Variants in RASAL2 observed in about 807,000 individuals in gnomAD.
The protein encoded by RASAL2 is ras GTPase-activating protein nGAP.
RASAL2 carries 58 observed loss-of-function variants against 128.9 expected under a neutral mutation model. The ratio of observed to expected loss-of-function variants is 0.45; its 90% CI spans 0.36 to 0.56. The LOEUF (loss-of-function observed/expected upper bound fraction) is 0.56. RASAL2 is among the 20% of genes least tolerant of loss of function. The pLI is 0.00. For synonymous variants in RASAL2, 561 were observed against 580.8 expected, an observed-to-expected ratio of 0.97 and a Z score of 0.49; for missense variants, 1,360 against 1,601.6, an observed-to-expected ratio of 0.85 and a Z score of 2.57.
At chr1:178,293,462 A>G (rs1333522923) in intron 2 of RASAL2, among the ~76,000 whole-genome samples, 2 of 152,214 alleles carry the variant, frequency 1.3e-5, no homozygotes, top group Non-Finnish European at 2.9e-5. Context: ...GCCAGTCCTT[A>G]GATCTAAAAG....
At chr1:178,171,903 G>A (rs1661718803) in intron 1 of RASAL2, among the ~76,000 whole-genome samples, 1 of 151,956 alleles carries the variant, frequency 6.6e-6, no homozygotes, top group Non-Finnish European at 1.5e-5. Flanking sequence ...GAATTAATAA[G>A]TTTATGGGTA....
Position 178,177,077 on chromosome 1 carries a change from A to G in RASAL2, c.202+82383A>G, listed in dbSNP as rs574678040. 3.9e-5 allele frequency among the ~76,000 whole-genome samples: 6 copies of G among 152,320 alleles called. No individual in the cohort carries two copies. In the East Asian group the frequency reaches 9.6e-4, roughly 24 times the overall value. ...AATATTTTCTTTAGTTGTTTAAAGGAACAGTGGGTAACATGAATAGTTGTG... is the reference window on the plus strand; with the variant it reads ...AATATTTTCTTTAGTTGTTTAAAGGGACAGTGGGTAACATGAATAGTTGTG... On this transcript the variant is annotated intron_variant, in intron 1 of 17. Transcript: ENST00000367649.
intron 1 of RASAL2, among the ~76,000 whole-genome samples, chr1:178,195,095 T>G (rs1662616848): frequency 6.6e-6 from 1 of 152,170 alleles, no homozygotes; most frequent in African/African-American, 2.4e-5. Flanking sequence ...ACATACACAG[T>G]GCATTTCCAC....
At chr1:178,438,881 CTGTGTGTGTGTGTGTGTG>C (rs3042589) in intron 5 of RASAL2, among the ~76,000 whole-genome samples, 230 of 129,462 alleles carry the variant, frequency 1.8e-3, no homozygotes, top group African/African-American at 5.6e-3. Flanking sequence ...AGCTTCGACT[CTGTGTGTGTGTGTGTGTG>C]TGTGTGTGTG....
At chr1:178,376,712 T>C (rs1269339871) in intron 3 of RASAL2, among the ~76,000 whole-genome samples, 1 of 152,144 alleles carries the variant, frequency 6.6e-6, no homozygotes, top group African/African-American at 2.4e-5. Flanking sequence ...TGTGTGCCCA[T>C]CAAATACTTC....
rs71108028 is a variant in RASAL2 at position 178,131,375 on chromosome 1, C to CTTT, written c.202+36705_202+36707dup. Among the ~76,000 whole-genome samples the CTTT allele has an allele frequency of 4.6e-3, 377 of 82,588 alleles. 36 individuals carry two copies. Among genetic ancestry groups the CTTT allele is most frequent in the African/African-American group, 0.015 (285 of 18,446 alleles). 54.2% of individuals were successfully genotyped at this position (82,588 alleles called of 152,430 possible). On this transcript the variant is annotated intron_variant, in intron 1 of 17. Transcript: ENST00000367649. ...TCGTGCACTACCACGCCTGGATAAT[C>CTTT]TTTTTTTTTTTTTTTTTTTTTTTTT...
At chr1:178,420,664 T>A (rs778762381) in intron 5 of RASAL2, 44 bp downstream of exon 5, 3 of 1,414,466 alleles carry the variant, frequency 2.1e-6, no homozygotes, top group Non-Finnish European at 1.9e-6. Context: ...AGTTTGAGAG[T>A]GAATTTTGTT....
intron 9 of RASAL2, among the ~76,000 whole-genome samples, chr1:178,450,485 A>G (rs1162285623): frequency 6.6e-6 from 1 of 152,148 alleles, no homozygotes; most frequent in Non-Finnish European, 1.5e-5. Flanking sequence ...CCTCAAAATT[A>G]TCGCTTCTCA....
chr1:178,237,239 T>TC (rs1050427720), intron 1 of RASAL2, among the ~76,000 whole-genome samples: 1 of 152,116 alleles, frequency 6.6e-6, no homozygotes, highest in African/African-American at 2.4e-5. Context: ...TCTGTGCTCC[T>TC]CCATTTGGGG....
At chr1:178,130,143 G>C (rs1271761817) in intron 1 of RASAL2, among the ~76,000 whole-genome samples, 1 of 152,084 alleles carries the variant, frequency 6.6e-6, no homozygotes, top group African/African-American at 2.4e-5. Flanking sequence ...ACTATATAGT[G>C]CATTTAAGAT....
intron 1 of RASAL2, among the ~76,000 whole-genome samples, chr1:178,124,634 A>G (rs1198679981): frequency 2.0e-5 from 3 of 152,196 alleles, no homozygotes; most frequent in Non-Finnish European, 4.4e-5. Flanking sequence ...TTTTGCAAAG[A>G]TATTTTGATT....
At chr1:178,293,673 A>G (rs562955804) in intron 2 of RASAL2, among the ~76,000 whole-genome samples, 1 of 152,246 alleles carries the variant, frequency 6.6e-6, no homozygotes, top group Non-Finnish European at 1.5e-5. Flanking sequence ...TTTGCCTAAA[A>G]TGGCCCCCAT....
chr1:178,376,063 G>A (rs1302812278), intron 3 of RASAL2, among the ~76,000 whole-genome samples: 1 of 152,090 alleles, frequency 6.6e-6, no homozygotes, highest in Non-Finnish European at 1.5e-5. Flanking sequence ...GAGACAAAGA[G>A]GAGACACAGA....
intron 4 of RASAL2, among the ~76,000 whole-genome samples, chr1:178,392,737 T>C (rs1435240516): frequency 6.6e-6 from 1 of 152,132 alleles, no homozygotes; most frequent in East Asian, 1.9e-4. Flanking sequence ...TTTCAGCTGA[T>C]ACTACTGATT....
intron 1 of RASAL2, among the ~76,000 whole-genome samples, chr1:178,100,449 A>G (rs1251393695): frequency 6.6e-6 from 1 of 151,698 alleles, no homozygotes; most frequent in East Asian, 1.9e-4. Context: ...GCTTGAGCCC[A>G]GGAGGGAGAG....
At chr1:178,422,300 T>C (rs1655912797) in intron 5 of RASAL2, among the ~76,000 whole-genome samples, 2 of 152,100 alleles carry the variant, frequency 1.3e-5, no homozygotes. Context: ...ATTATATAGT[T>C]ACTGTATTTT....
intron 1 of RASAL2, among the ~76,000 whole-genome samples, chr1:178,247,977 T>G (rs2102072817): frequency 6.6e-6 from 1 of 152,238 alleles, no homozygotes; most frequent in Non-Finnish European, 1.5e-5. Context: ...CTGAGGAGTG[T>G]TTTACTTCCA....
At chr1:178,105,815 G>A (rs1206307845) in intron 1 of RASAL2, among the ~76,000 whole-genome samples, 3 of 151,876 alleles carry the variant, frequency 2.0e-5, no homozygotes, top group Non-Finnish European at 4.4e-5. Context: ...TGCTACTTCA[G>A]GTGTGCACCA....
chr1:178,408,914 T>C (rs1449832693), intron 4 of RASAL2, among the ~76,000 whole-genome samples: 1 of 152,054 alleles, frequency 6.6e-6, no homozygotes, highest in East Asian at 1.9e-4. Context: ...ATATCTTCTG[T>C]ATTAGTCTGT....
Sources: allele counts gnomAD v4.1 joint callset (sites outside exome capture counted in the v4.1 genomes callset), GRCh38; gene constraint gnomAD v4.1.1; transcripts MANE v1.5; gene names NCBI Gene and HGNC (gene_info 2026-07-23, HGNC 2026-07-21).